Variants in SMIM9 observed in about 807,000 individuals in gnomAD.
SMIM9 encodes the protein small integral membrane protein 9, also known as chromosome X open reading frame 68.
Under a neutral mutation model 7.2 loss-of-function variants are expected in SMIM9, and 8 were observed. The ratio of observed to expected loss-of-function variants is 1.10; its 90% CI spans 0.65 to 1.99. The LOEUF is 1.99. Ranked by LOEUF, SMIM9 falls within the 30% of genes most tolerant of loss-of-function variation. SMIM9 has a pLI of 0.00. For synonymous variants in SMIM9, 19 were observed against 26.4 expected, an observed-to-expected ratio of 0.72 and a Z score of 0.86; for missense variants, 76 against 69.3, an observed-to-expected ratio of 1.10 and a Z score of -0.34.
intron 1 of SMIM9, among the ~76,000 whole-genome samples, 170 bp from the exon 2 acceptor site, chrX:154,832,853 G>A (rs1285912271): frequency 1.8e-5 from 2 of 111,706 alleles, no homozygotes; most frequent in Non-Finnish European, 1.9e-5. Context: ...ATCCTCTTAG[G>A]CTTGAATAAT....
chrX:154,834,007 G>T (rs2072456699), intron 1 of SMIM9, among the ~76,000 whole-genome samples: 2 of 111,684 alleles, frequency 1.8e-5, no homozygotes, highest in Admixed American at 1.9e-4. Flanking sequence ...TGAAAATTAG[G>T]ACCTTGAACA....
chrX:154,833,422 C>G (rs145497051), intron 1 of SMIM9, among the ~76,000 whole-genome samples: 1 of 111,872 alleles, frequency 8.9e-6, no homozygotes, highest in African/African-American at 3.3e-5. Context: ...CCCAGGAGTT[C>G]GAGACCAGCC....
At chrX:154,829,738 G>T in intron 3 of SMIM9, 74 bp from the exon 4 acceptor site, 1 of 1,044,955 alleles carries the variant, frequency 9.6e-7, no homozygotes, top group Admixed American at 2.7e-5. Context: ...ATCCAAATTC[G>T]AGTTCAAATA....
At chrX:154,825,752 G>A (rs1194643587) in intron 4 of SMIM9, among the ~76,000 whole-genome samples, 1 of 110,018 alleles carries the variant, frequency 9.1e-6, no homozygotes, top group Non-Finnish European at 1.9e-5. Context: ...AAAAAAGGAT[G>A]AGTTCATGTC....
chrX:154,834,372 C>A (rs138231947), intron 1 of SMIM9, among the ~76,000 whole-genome samples, 191 bp downstream of exon 1: 1,366 of 112,234 alleles, frequency 0.012, 12 homozygotes, highest in Non-Finnish European at 0.018. Flanking sequence ...GGAGGACCTG[C>A]AAACTTGGTC....
intron 1 of SMIM9, among the ~76,000 whole-genome samples, chrX:154,834,047 G>A (rs1257222099): frequency 8.9e-6 from 1 of 112,142 alleles, no homozygotes; most frequent in African/African-American, 3.2e-5. Flanking sequence ...GTGTATCTAG[G>A]TTGTGACCCG....
chrX:154,827,269 G>C (rs1438915354), intron 4 of SMIM9: 1 of 112,799 alleles, frequency 8.9e-6, no homozygotes, highest in Non-Finnish European at 1.9e-5. Context: ...GACATATCTT[G>C]ATTTGAGTTC....
At chrX:154,829,448 T>C in intron 4 of SMIM9, 87 bp downstream of exon 4, 2 of 1,042,921 alleles carry the variant, frequency 1.9e-6, no homozygotes, top group South Asian at 2.4e-5. Context: ...ATTACAGATA[T>C]GCAGGCTGGT....
intron 1 of SMIM9, among the ~76,000 whole-genome samples, chrX:154,833,877 G>A (rs911105470): frequency 6.2e-5 from 7 of 112,274 alleles, no homozygotes; most frequent in African/African-American, 2.3e-4. Context: ...AGAGCTACCA[G>A]GAAATACATA....
intron 4 of SMIM9, among the ~76,000 whole-genome samples, chrX:154,824,442 G>A (rs1274551912): frequency 4.6e-5 from 5 of 108,269 alleles, no homozygotes; most frequent in Admixed American, 2.0e-4. Context: ...TAACACCACC[G>A]CCAATAGTAA....
chrX:154,834,271 TA>T lies in SMIM9; in HGVS notation c.-210+291del, dbSNP rs1353719500. 3.7e-4 allele frequency among the ~76,000 whole-genome samples: 41 copies of T among 111,967 alleles called. 1 individual carries two copies. Among genetic ancestry groups the T allele is most frequent in the African/African-American group, 1.2e-3 (38 of 30,909 alleles). On this transcript the variant is annotated intron_variant, in intron 1 of 4. Coordinates refer to ENST00000369529, the MANE Select transcript of SMIM9 (RefSeq NM_001162936.4). ...CAAGCTTCTAACTTCGATGGTGGAG[TA>T]ACATGCATGAGAAGGTCAGGTGTTT...
At chrX:154,834,115 G>A (rs1335304600) in intron 1 of SMIM9, among the ~76,000 whole-genome samples, 2 of 112,508 alleles carry the variant, frequency 1.8e-5, no homozygotes, top group South Asian at 3.6e-4. Context: ...ACCCTCATAT[G>A]AGCTCCATAC....
chrX:154,823,853 A>G (rs1318242789), intron 4 of SMIM9, 71 bp from the exon 5 acceptor site: 4 of 1,010,548 alleles, frequency 4.0e-6, no homozygotes, highest in South Asian at 2.5e-5. Context: ...CTTTTCAAAG[A>G]TTGGATTTGA....
intron 4 of SMIM9, among the ~76,000 whole-genome samples, chrX:154,825,299 G>A (rs1377645080): frequency 9.1e-6 from 1 of 109,872 alleles, no homozygotes; most frequent in Non-Finnish European, 1.9e-5. Context: ...GGCTGAGGCA[G>A]GAGAATCGAT....
intron 1 of SMIM9, among the ~76,000 whole-genome samples, chrX:154,832,963 T>C (rs7051780): frequency 0.01 from 1,142 of 112,191 alleles, 16 homozygotes; most frequent in African/African-American, 0.034. Flanking sequence ...TTTAATATGA[T>C]GTTGGGTGTG....
intron 4 of SMIM9, among the ~76,000 whole-genome samples, chrX:154,824,333 G>A (rs1361533818): frequency 9.2e-5 from 8 of 86,906 alleles, no homozygotes; most frequent in Admixed American, 6.1e-4. Context: ...TCCAGCCTGG[G>A]CGACAGAGCG....
At chrX:154,833,566 A>C (rs2072453466) in intron 1 of SMIM9, among the ~76,000 whole-genome samples, 1 of 111,780 alleles carries the variant, frequency 8.9e-6, no homozygotes. Flanking sequence ...TTGAGGCTGC[A>C]GTGAGCTATG....
In SMIM9 at chrX:154,824,251, G is replaced by A. The variant is rs782618235; in HGVS notation, c.273-469C>T. On this transcript the variant is annotated intron_variant, in intron 4 of 4. Coordinates refer to ENST00000369529, the MANE Select transcript of SMIM9 (RefSeq NM_001162936.4). ...GGGCGCCTGTAGTCCCAGCTACTCG[G>A]GAGGCTGAGGCAGGAGAATGGCGTG... Among the ~76,000 whole-genome samples, 3 of 107,944 alleles carry A rather than the reference G, an allele frequency of 2.8e-5. No individual in the cohort carries two copies. In the South Asian group the frequency reaches 1.2e-3, roughly 44 times the overall value. The allele number at this position is 107,944 out of a possible 115,157, so 93.7% of individuals were successfully genotyped here.
At chrX:154,828,604 A>G (rs1460480013) in intron 4 of SMIM9, among the ~76,000 whole-genome samples, 3 of 112,010 alleles carry the variant, frequency 2.7e-5, no homozygotes, top group Admixed American at 9.5e-5. Context: ...TATTGTTTAC[A>G]ACAGATGGCT....
Sources: allele counts gnomAD v4.1 joint callset (sites outside exome capture counted in the v4.1 genomes callset), GRCh38; gene constraint gnomAD v4.1.1; transcripts MANE v1.5; gene names NCBI Gene and HGNC (gene_info 2026-07-23, HGNC 2026-07-21).